FRMD6: variants seen among roughly 807,000 people sequenced by gnomAD.
FRMD6 encodes FERM domain-containing protein 6.
Under a neutral mutation model 73.2 loss-of-function variants are expected in FRMD6, and 37 were observed. The ratio of observed to expected loss-of-function variants is 0.51; its 90% CI spans 0.39 to 0.66. The LOEUF is 0.66. FRMD6 is among the 30% of genes least tolerant of loss of function. The pLI is 0.00. For synonymous variants in FRMD6, 273 were observed against 282.2 expected, an observed-to-expected ratio of 0.97 and a Z score of 0.33; for missense variants, 714 against 780.5, an observed-to-expected ratio of 0.91 and a Z score of 1.02.
the FRMD6 span, among the ~76,000 whole-genome samples, chr14:51,426,177 G>T: frequency 6.6e-6 from 1 of 151,934 alleles, no homozygotes; most frequent in African/African-American, 2.4e-5. Context: ...ACTTTTTCTT[G>T]AAGTGTTTGT....
chr14:51,471,071 G>C, the FRMD6 span, among the ~76,000 whole-genome samples: 2 of 152,096 alleles, frequency 1.3e-5, no homozygotes, highest in Admixed American at 1.3e-4. Context: ...TCTATGAATT[G>C]CTTACTAATG....
At chr14:51,433,922 A>G in the FRMD6 span, among the ~76,000 whole-genome samples, 1 of 152,256 alleles carries the variant, frequency 6.6e-6, no homozygotes, top group South Asian at 2.1e-4. Context: ...AGACTACTGT[A>G]TGCAAGTATT....
intron 2 of FRMD6, among the ~76,000 whole-genome samples, chr14:51,604,582 G>A (rs1890171371): frequency 6.6e-6 from 1 of 152,116 alleles, no homozygotes; most frequent in Non-Finnish European, 1.5e-5. Flanking sequence ...GATAAGTTGG[G>A]GGAATAGATG....
intron 1 of FRMD6, among the ~76,000 whole-genome samples, chr14:51,688,137 A>T (rs1393282664): frequency 6.6e-6 from 1 of 151,180 alleles, no homozygotes; most frequent in Non-Finnish European, 1.5e-5. Context: ...TTCAAGATGG[A>T]TGAGTAGCTT....
chr14:51,404,756 T>C, the FRMD6 span, among the ~76,000 whole-genome samples: 5 of 152,206 alleles, frequency 3.3e-5, no homozygotes, highest in African/African-American at 1.2e-4. Flanking sequence ...TTAGTTGATA[T>C]ACTATATTAA....
intron 2 of FRMD6, among the ~76,000 whole-genome samples, chr14:51,623,263 T>G (rs2139934639): frequency 6.6e-6 from 1 of 152,300 alleles, no homozygotes; most frequent in East Asian, 1.9e-4. Context: ...GATCATATGT[T>G]AAGAAATGAA....
the FRMD6 span, among the ~76,000 whole-genome samples, chr14:51,403,183 A>C: frequency 3.3e-5 from 5 of 152,354 alleles, no homozygotes; most frequent in African/African-American, 1.2e-4. Context: ...ACCTGGTTTA[A>C]GAAAAATAGT....
In FRMD6 at chr14:51,720,281, C is replaced by A; in HGVS notation, c.1251C>A (p.Ile417=). The part of the protein sequence containing the change: ...GPEDSYSSSA[I]HRKLKTCSSM... ...AAGACAGCTACTCCAGCAGTGCCAT[C>A]CACCGCAAGCTGAAAACCTGCAGCT... Residue 417 remains isoleucine, a synonymous_variant, in exon 11 of 14, where the codon ATC becomes ATA. Transcript: ENST00000344768. 6.2e-7 allele frequency: 1 copy of A among 1,613,986 alleles called. No homozygotes were observed. The highest frequency in any genetic ancestry group is 8.5e-7 in the Non-Finnish European group (1 of 1,179,976).
intron 3 of FRMD6, among the ~76,000 whole-genome samples, chr14:51,698,792 A>G (rs1896109287): frequency 6.6e-6 from 1 of 152,030 alleles, no homozygotes; most frequent in Admixed American, 6.6e-5. Flanking sequence ...GAAGATTTTT[A>G]AGTAAAGGAC....
intron 12 of FRMD6, 87 bp downstream of exon 12, chr14:51,722,167 C>A (rs1594786528): frequency 6.9e-7 from 1 of 1,452,674 alleles, no homozygotes; most frequent in Admixed American, 1.7e-5. Context: ...AAGGGGTGAG[C>A]TGGGGGCCCT....
At chr14:51,527,780 A>C (rs1261210457) in intron 1 of FRMD6, among the ~76,000 whole-genome samples, 1 of 152,174 alleles carries the variant, frequency 6.6e-6, no homozygotes, top group Non-Finnish European at 1.5e-5. Flanking sequence ...CTGTACCTTT[A>C]TGAGAGACAG....
At chr14:51,700,384 T>C (rs1018024856) in intron 3 of FRMD6, among the ~76,000 whole-genome samples, 2 of 152,188 alleles carry the variant, frequency 1.3e-5, no homozygotes. Context: ...TCTGTTCACC[T>C]TATGAGCATC....
chr14:51,527,418 C>T (rs1403497365), intron 1 of FRMD6, among the ~76,000 whole-genome samples: 1 of 152,226 alleles, frequency 6.6e-6, no homozygotes, highest in Admixed American at 6.5e-5. Flanking sequence ...TAGTTGGGGC[C>T]AGGCAACAGG....
chr14:51,677,592 T>C (rs1366482130), intron 1 of FRMD6, among the ~76,000 whole-genome samples: 2 of 152,140 alleles, frequency 1.3e-5, no homozygotes, highest in Non-Finnish European at 2.9e-5. Flanking sequence ...TGAATACAGA[T>C]GGCTGTGAAA....
intron 9 of FRMD6, among the ~76,000 whole-genome samples, chr14:51,713,413 G>GCA (rs1897060091): frequency 6.9e-6 from 1 of 144,982 alleles, no homozygotes; most frequent in East Asian, 2.0e-4. Flanking sequence ...AGCCAAGACC[G>GCA]CACCATTGCA....
At chr14:51,557,967 T>TA (rs3060582) in intron 1 of FRMD6, among the ~76,000 whole-genome samples, 2,966 of 149,130 alleles carry the variant, frequency 0.02, 32 homozygotes, top group Middle Eastern at 0.056. Flanking sequence ...AAATAAAAGT[T>TA]AAAAAAAAAA....
chr14:51,498,758 C>T (rs919353850), intron 1 of FRMD6, among the ~76,000 whole-genome samples: 8 of 152,098 alleles, frequency 5.3e-5, no homozygotes, highest in South Asian at 2.1e-4. Flanking sequence ...ATCCACGTGA[C>T]GAAACCCGGC....
chr14:51,656,305 A>G (rs940710438), intron 1 of FRMD6, among the ~76,000 whole-genome samples: 1 of 152,254 alleles, frequency 6.6e-6, no homozygotes, highest in Non-Finnish European at 1.5e-5. Flanking sequence ...CAAGTCAAGA[A>G]GAGAAAAATG....
Position 51,730,314 on chromosome 14 carries a change from A to G in FRMD6, c.*2285A>G, listed in dbSNP as rs1462532567. The stretch of plus-strand genomic sequence containing the variant: ...TGAATAGTTCTATGGGTTTTCAAAG[A>G]TGAATCATGCTAAGAACACTTCTGC... On this transcript the variant is annotated 3_prime_UTR_variant, in exon 14 of 14. Transcript: ENST00000344768. 1.3e-5 allele frequency: 2 copies of G among 152,224 alleles called. No homozygotes were observed. The highest frequency in any genetic ancestry group is 2.9e-5 in the Non-Finnish European group (2 of 68,038). 9.4% of individuals were successfully genotyped at this position (152,224 alleles called of 1,614,324 possible).
Sources: allele counts gnomAD v4.1 joint callset (sites outside exome capture counted in the v4.1 genomes callset), GRCh38; gene constraint gnomAD v4.1.1; transcripts MANE v1.5; gene names NCBI Gene and HGNC (gene_info 2026-07-23, HGNC 2026-07-21).